The following UTRN variants were observed in gnomAD, a reference collection of about 807,000 sequenced individuals.
The protein encoded by UTRN is dystrophin-related protein 1.
UTRN carries 283 observed loss-of-function variants against 463.9 expected under a neutral mutation model. That is an observed-to-expected ratio of 0.61 (90% CI 0.55 to 0.67). UTRN has a LOEUF of 0.67. UTRN is among the 30% of genes least tolerant of loss of function. The probability of loss-of-function intolerance (pLI) is 0.00; values close to 1 mark genes in which losing one functional copy is unlikely to be tolerated. For synonymous variants in UTRN, 1,442 were observed against 1,431.5 expected (o/e 1.01, Z -0.17); for missense variants, 3,922 against 4,084.3 (o/e 0.96, Z 1.08).
chr6:144,309,478 C>T (rs2328569), intron 2 of UTRN, among the ~76,000 whole-genome samples: 47,651 of 152,054 alleles, frequency 0.31, 7,811 homozygotes, highest in South Asian at 0.45. Flanking sequence ...TTCCAATTGC[C>T]CCAGTTTTGG....
chr6:144,695,188 C>T (rs545337533), intron 52 of UTRN, among the ~76,000 whole-genome samples: 40 of 151,844 alleles, frequency 2.6e-4, no homozygotes, highest in African/African-American at 9.4e-4. Context: ...ATAATAACAG[C>T]TAATATTTAT....
intron 51 of UTRN, among the ~76,000 whole-genome samples, chr6:144,643,106 C>T (rs190417511): frequency 6.6e-6 from 1 of 151,958 alleles, no homozygotes; most frequent in African/African-American, 2.4e-5. Context: ...ATAGATTGTC[C>T]TGGAAAACCT....
chr6:144,451,232 A>G, intron 17 of UTRN, 138 bp from the exon 18 acceptor site: 1 of 787,614 alleles, frequency 1.3e-6, no homozygotes, highest in East Asian at 2.7e-5. Flanking sequence ...TTGCATGGTT[A>G]CCCTATTTCT....
intron 50 of UTRN, among the ~76,000 whole-genome samples, chr6:144,559,835 A>G (rs1194771728): frequency 6.6e-6 from 1 of 152,142 alleles, no homozygotes; most frequent in African/African-American, 2.4e-5. Context: ...TTGAGAATAC[A>G]TGGTCTAATC....
rs1050218476 is a variant in UTRN at position 144,384,395 on chromosome 6, C to T, written c.80-18728C>T. Among the ~76,000 whole-genome samples, 13 of 152,208 alleles carry T rather than the reference C, an allele frequency of 8.5e-5. No individual in the cohort carries two copies. In the East Asian group the frequency reaches 1.4e-3, roughly 16 times the overall value. ...GACTGTGCATGTGAGGGATGTAGGT[C>T]GTACACTCCTTATTAGAATCTAACT... On this transcript the variant is annotated intron_variant, in intron 2 of 74. Transcript: ENST00000367545.
At chr6:144,509,749 CTG>C (rs1480648498) in intron 34 of UTRN, among the ~76,000 whole-genome samples, 1 of 151,980 alleles carries the variant, frequency 6.6e-6, no homozygotes, top group Non-Finnish European at 1.5e-5. Flanking sequence ...TTTCTGAATA[CTG>C]TTTTTATTCC....
chr6:144,505,838 A>G (rs562390148), intron 34 of UTRN, among the ~76,000 whole-genome samples: 122 of 152,268 alleles, frequency 8.0e-4, no homozygotes, highest in African/African-American at 2.7e-3. Context: ...GATCTGTCTA[A>G]TATTGCCAGT....
chr6:144,324,296 C>T (rs1055416076), intron 2 of UTRN, among the ~76,000 whole-genome samples: 6 of 152,046 alleles, frequency 3.9e-5, no homozygotes, highest in Admixed American at 6.6e-5. Flanking sequence ...AAGTCTGCAT[C>T]GAGGTCCCCA....
At chr6:144,646,926 G>T (rs1020970932) in intron 51 of UTRN, among the ~76,000 whole-genome samples, 5 of 152,144 alleles carry the variant, frequency 3.3e-5, no homozygotes, top group African/African-American at 1.2e-4. Context: ...ACCAGTGTGT[G>T]AGTTACTCAA....
intron 73 of UTRN, among the ~76,000 whole-genome samples, chr6:144,843,610 A>C (rs775768178): frequency 1.3e-5 from 2 of 152,190 alleles, no homozygotes; most frequent in African/African-American, 2.4e-5. Flanking sequence ...AGGAGTATAC[A>C]CAGTACCTTC....
At chr6:144,689,895 TCTC>T (rs886184742) in intron 52 of UTRN, among the ~76,000 whole-genome samples, 8 of 151,750 alleles carry the variant, frequency 5.3e-5, no homozygotes, top group African/African-American at 1.9e-4. Context: ...GTGGTGTTAT[TCTC>T]CTTGCAGATG....
At chr6:144,754,098 A>G (rs543026606) in intron 56 of UTRN, among the ~76,000 whole-genome samples, 5 of 146,144 alleles carry the variant, frequency 3.4e-5, no homozygotes, top group African/African-American at 7.8e-5. Flanking sequence ...TGTACTGTCT[A>G]TTTCTCTCTC....
At chr6:144,302,035 A>G (rs373744061) in intron 2 of UTRN, among the ~76,000 whole-genome samples, 3 of 152,266 alleles carry the variant, frequency 2.0e-5, no homozygotes, top group African/African-American at 7.2e-5. Context: ...AAACATCAGC[A>G]TCAGTGCCAC....
intron 36 of UTRN, among the ~76,000 whole-genome samples, chr6:144,514,252 C>T (rs561827940): frequency 9.9e-5 from 15 of 152,234 alleles, no homozygotes; most frequent in Non-Finnish European, 1.5e-4. Flanking sequence ...CACAATCAAC[C>T]GGAGTAAGAC....
At chr6:144,660,058 G>T (rs539189037) in intron 51 of UTRN, 12 of 358,780 alleles carry the variant, frequency 3.3e-5, no homozygotes, top group Admixed American at 3.0e-4. Context: ...ATGTCCCAGC[G>T]CAAGCTGCCG....
At chr6:144,352,472 A>G (rs1271660186) in intron 2 of UTRN, among the ~76,000 whole-genome samples, 1 of 152,194 alleles carries the variant, frequency 6.6e-6, no homozygotes, top group African/African-American at 2.4e-5. Context: ...ACATTTTGCA[A>G]GTTGGTTGAG....
intron 2 of UTRN, among the ~76,000 whole-genome samples, chr6:144,310,535 C>CAAA (rs59215811): frequency 3.3e-5 from 3 of 92,044 alleles, no homozygotes; most frequent in Non-Finnish European, 4.4e-5. Context: ...AACTCCGTCT[C>CAAA]AAAAAAAAAA....
intron 57 of UTRN, 40 bp from the exon 58 acceptor site, chr6:144,757,889 G>T (rs1792189243): frequency 1.3e-6 from 2 of 1,583,126 alleles, no homozygotes; most frequent in Non-Finnish European, 1.7e-6. Flanking sequence ...AAGGCTTTTT[G>T]GTTTCCAACG....
intron 51 of UTRN, among the ~76,000 whole-genome samples, chr6:144,643,214 C>A (rs1343322927): frequency 6.6e-6 from 1 of 152,002 alleles, no homozygotes; most frequent in African/African-American, 2.4e-5. Flanking sequence ...TAGAAAGTAA[C>A]ATACATGAGT....
Sources: allele counts gnomAD v4.1 joint callset (sites outside exome capture counted in the v4.1 genomes callset), GRCh38; gene constraint gnomAD v4.1.1; transcripts MANE v1.5; gene names NCBI Gene and HGNC (gene_info 2026-07-23, HGNC 2026-07-21).